FGF14: variants seen among roughly 807,000 people sequenced by gnomAD.
FGF14 encodes fibroblast growth factor homologous factor 4.
A neutral mutation model predicts 25.5 loss-of-function variants in FGF14; 5 were observed. The ratio of observed to expected loss-of-function variants is 0.20; its 90% CI spans 0.10 to 0.41. FGF14 has a LOEUF of 0.41. FGF14 is among the 10% of genes least tolerant of loss of function. FGF14 has a pLI of 1.00. For missense variants in FGF14, 222 were observed against 320.1 expected (o/e 0.69, Z 2.34); for synonymous variants, 138 against 118.3 (o/e 1.17, Z -1.08).
intron 3 of FGF14, among the ~76,000 whole-genome samples, chr13:101,732,460 A>G (rs2035874677): frequency 6.6e-6 from 1 of 152,198 alleles, no homozygotes; most frequent in Admixed American, 6.5e-5. Flanking sequence ...AGCTACTAAT[A>G]TATTACTAAC....
chr13:102,130,197 C>G (rs1320897115), intron 1 of FGF14, among the ~76,000 whole-genome samples: 6 of 152,120 alleles, frequency 3.9e-5, no homozygotes, highest in Non-Finnish European at 1.5e-5. Context: ...AGAAGCTGAA[C>G]AAATATGCCC....
chr13:102,152,971 C>A (rs1303716661), intron 1 of FGF14, among the ~76,000 whole-genome samples: 2 of 152,196 alleles, frequency 1.3e-5, no homozygotes, highest in Non-Finnish European at 2.9e-5. Context: ...TACACCGTGG[C>A]AGGCCCAGGT....
At chr13:101,934,873 AT>A (rs1312849749) in intron 1 of FGF14, among the ~76,000 whole-genome samples, 2 of 152,100 alleles carry the variant, frequency 1.3e-5, no homozygotes, top group Non-Finnish European at 2.9e-5. Context: ...ACTCAATTCT[AT>A]TTTTTTAATA....
chr13:102,161,585 A>C (rs1160304393), intron 1 of FGF14, among the ~76,000 whole-genome samples: 1 of 2,414 alleles, frequency 4.1e-4, no homozygotes, highest in Non-Finnish European at 6.1e-4. Flanking sequence ...AAGAAGAAGA[A>C]GAAGAAGAAG....
In FGF14 at chr13:102,086,296, G is replaced by A. The variant is rs201078332; in HGVS notation, c.209-211000C>T. 3.3e-5 allele frequency among the ~76,000 whole-genome samples: 5 copies of A among 152,226 alleles called. No individual in the cohort carries two copies. In the East Asian group the frequency reaches 9.7e-4, roughly 29 times the overall value. On this transcript the variant is annotated intron_variant, in intron 1 of 4. Transcript: ENST00000376131. ...AGCACTTTTGGAGGCCGAGGCGGGT[G>A]GATCACAAGGTCAGGAGATAGAGAC...
chr13:102,030,963 C>T (rs555234240), intron 1 of FGF14, among the ~76,000 whole-genome samples: 3 of 152,196 alleles, frequency 2.0e-5, no homozygotes, highest in Non-Finnish European at 4.4e-5. Context: ...CTAGGCATTG[C>T]TGTCTCCCCA....
intron 1 of FGF14, among the ~76,000 whole-genome samples, chr13:102,334,243 TGTTAA>T (rs2056722941): frequency 6.6e-6 from 1 of 152,150 alleles, no homozygotes; most frequent in Non-Finnish European, 1.5e-5. Context: ...CCTAGGCAAA[TGTTAA>T]GTTGATTTGA....
rs1285979956 is a variant in FGF14, at chr13:101,950,411, G to A, written c.209-75115C>T. ...GCTATACATGATTGTGTTGATTTGT[G>A]TTATTTTAATCTTCTTCATTAGTTA... On this transcript the variant is annotated intron_variant, in intron 1 of 4. Coordinates refer to the FGF14 transcript ENST00000376131. Among the ~76,000 whole-genome samples the A allele has an allele frequency of 4.6e-5, 7 of 152,160 alleles. No individual in the cohort carries two copies. The East Asian group carries it at 1.2e-3, about 25-fold the overall frequency.
At chr13:102,310,517 C>T (rs1297101784) in intron 1 of FGF14, among the ~76,000 whole-genome samples, 1 of 152,074 alleles carries the variant, frequency 6.6e-6, no homozygotes, top group Admixed American at 6.6e-5. Context: ...ATGAGCTGAG[C>T]TTCCATATGC....
intron 3 of FGF14, among the ~76,000 whole-genome samples, chr13:101,767,807 A>T (rs2139948382): frequency 6.6e-6 from 1 of 152,294 alleles, no homozygotes; most frequent in African/African-American, 2.4e-5. Context: ...GCAACTACAC[A>T]GAAGGAAAAA....
chr13:101,714,806 C>A lies in FGF14; in HGVS notation c.*8025G>T. The A allele has an allele frequency of 4.1e-6, 2 of 488,736 alleles. No homozygotes were observed. The highest frequency in any genetic ancestry group is 1.9e-5 in the African/African-American group (1 of 51,770). The allele number at this position is 488,736 out of a possible 1,614,324, so 30.3% of individuals were successfully genotyped here. A position where few individuals can be genotyped will look rare whatever the true frequency, so the allele number is the denominator to read the frequency against. On this transcript the variant is annotated 3_prime_UTR_variant, in exon 5 of 5. Transcript: ENST00000376143. ...ATCCTTCCACAAAGTAACCTCCCCA[C>A]CCTCAAACTCACATGTATGCAGTTG...
At chr13:102,349,118 C>A (rs999945205) in intron 1 of FGF14, among the ~76,000 whole-genome samples, 5 of 152,126 alleles carry the variant, frequency 3.3e-5, no homozygotes, top group Admixed American at 2.0e-4. Flanking sequence ...AAACATTCGG[C>A]AATTCACAGG....
chr13:101,725,273 A>G (rs1475957163), intron 4 of FGF14, among the ~76,000 whole-genome samples: 4 of 152,020 alleles, frequency 2.6e-5, no homozygotes, highest in African/African-American at 9.7e-5. Context: ...TGTATCATGG[A>G]TGTGTTTTTT....
At chr13:101,907,317 C>T (rs958943700) in intron 1 of FGF14, among the ~76,000 whole-genome samples, 6 of 151,986 alleles carry the variant, frequency 3.9e-5, no homozygotes, top group South Asian at 2.1e-4. Context: ...GAATAGTTAA[C>T]GTATTAATAC....
At chr13:101,912,775 A>G (rs182982493) in intron 1 of FGF14, among the ~76,000 whole-genome samples, 4 of 152,264 alleles carry the variant, frequency 2.6e-5, no homozygotes, top group African/African-American at 9.6e-5. Flanking sequence ...TTTGAAAAGT[A>G]TTTTTATGTC....
chr13:102,126,055 A>G (rs977785525), intron 1 of FGF14, among the ~76,000 whole-genome samples: 3 of 152,146 alleles, frequency 2.0e-5, no homozygotes, highest in Admixed American at 2.0e-4. Flanking sequence ...TCTAAGCTAA[A>G]GAGGCCTTGG....
intron 1 of FGF14, among the ~76,000 whole-genome samples, chr13:102,245,455 A>C (rs1054076325): frequency 2.6e-5 from 4 of 152,076 alleles, no homozygotes; most frequent in Non-Finnish European, 5.9e-5. Context: ...ACTGGGGCTC[A>C]TCAAAGTGCC....
chr13:101,914,047 A>G (rs1239269151), intron 1 of FGF14, among the ~76,000 whole-genome samples: 1 of 152,070 alleles, frequency 6.6e-6, no homozygotes, highest in East Asian at 1.9e-4. Flanking sequence ...TTTCAGCTAT[A>G]AAGACATATA....
At chr13:101,756,542 G>T (rs975483237) in intron 3 of FGF14, among the ~76,000 whole-genome samples, 11 of 152,186 alleles carry the variant, frequency 7.2e-5, no homozygotes, top group African/African-American at 2.4e-4. Context: ...AGATCATCCT[G>T]GCCAACATGG....
Sources: gnomAD v4.1 joint callset for allele counts (sites outside exome capture counted in the v4.1 genomes callset) on GRCh38, gnomAD v4.1.1 for gene constraint, MANE v1.5 for transcripts, NCBI Gene and HGNC (gene_info 2026-07-23, HGNC 2026-07-21) for gene names.